The following PCDHGA4 variants were observed in gnomAD, a reference collection of about 807,000 sequenced individuals.
The protein encoded by PCDHGA4 is protocadherin gamma-A4.
A neutral mutation model predicts 54.6 loss-of-function variants in PCDHGA4; 38 were observed. The observed-to-expected ratio is 0.70, with a 90% CI of 0.54 to 0.91. The LOEUF is 0.91. Among genes scored for constraint, PCDHGA4 ranks in the 40% least tolerant of loss-of-function variants. The probability of loss-of-function intolerance (pLI) is 0.00; values close to 1 mark genes in which losing one functional copy is unlikely to be tolerated. For missense variants in PCDHGA4, 1,298 were observed against 1,220.9 expected (o/e 1.06, Z -0.94); for synonymous variants, 511 against 512.9 (o/e 1.00, Z 0.05).
At chr5:141,383,976 C>G in intron 1 of PCDHGA4, 1 of 1,613,760 alleles carries the variant, frequency 6.2e-7, no homozygotes, top group Non-Finnish European at 8.5e-7. Flanking sequence ...TCCCTGAAGA[C>G]ACACCTCTTG....
chr5:141,361,767 C>G, intron 1 of PCDHGA4: 1 of 1,613,142 alleles, frequency 6.2e-7, no homozygotes. Context: ...CGCTCAGCGC[C>G]AACGTGAGCC....
rs374042624 is a variant in PCDHGA4, at chr5:141,394,490, G to A, written c.2514+36869G>A. The A allele has an allele frequency of 3.7e-6, 6 of 1,614,058 alleles. No individual in the cohort carries two copies. In the Admixed American group the frequency reaches 5.0e-5, roughly 13 times the overall value. ...TCGTGCTGGACCAGAATGACAACGCGCCCGAGATCCTGTACCCCGCCCTCC... is the reference window on the plus strand; with the variant it reads ...TCGTGCTGGACCAGAATGACAACGCACCCGAGATCCTGTACCCCGCCCTCC... On this transcript the variant is annotated intron_variant, in intron 1 of 3. Transcript: ENST00000571252.
intron 1 of PCDHGA4, chr5:141,400,748 C>A: frequency 5.0e-6 from 3 of 604,576 alleles, no homozygotes; most frequent in Non-Finnish European, 8.6e-6. Context: ...TTGCTCTTAG[C>A]TTCCTCTCTA....
intron 1 of PCDHGA4, chr5:141,371,355 G>A (rs369960328): frequency 1.2e-6 from 2 of 1,613,974 alleles, no homozygotes; most frequent in Non-Finnish European, 8.5e-7. Context: ...TGGGGTGGAA[G>A]CAAAGGATGG....
At chr5:141,366,292 G>A (rs1449441048) in intron 1 of PCDHGA4, 3 of 1,613,732 alleles carry the variant, frequency 1.9e-6, no homozygotes, top group East Asian at 4.5e-5. Context: ...AGCCCCCTCT[G>A]TCAGCCACCT....
At chr5:141,405,187 G>A (rs372851700) in intron 1 of PCDHGA4, 1 of 1,613,360 alleles carries the variant, frequency 6.2e-7, no homozygotes, top group East Asian at 2.2e-5. Flanking sequence ...GTGTAGATGG[G>A]GTTCGAGCTT....
intron 1 of PCDHGA4, among the ~76,000 whole-genome samples, chr5:141,460,758 C>T (rs1292050905): frequency 6.6e-6 from 1 of 150,582 alleles, no homozygotes; most frequent in African/African-American, 2.4e-5. Context: ...TGTACATATA[C>T]ATATTGCATA....
In PCDHGA4 at chr5:141,355,938, G is replaced by A. The variant is rs556759092; in HGVS notation, c.831G>A (p.Glu277=). The A allele has an allele frequency of 6.2e-7, 1 of 1,613,878 alleles. No individual in the cohort carries two copies. The highest frequency in any genetic ancestry group is 1.7e-5 in the Admixed American group (1 of 60,020). The change falls in exon 1 of 4, where the codon GAG becomes GAA. Residue 277 remains glutamate (E), a synonymous_variant. Coordinates refer to ENST00000571252, the MANE Select transcript of PCDHGA4 (RefSeq NM_018917.4). ...NDNAPVFTQP[E]YHVSVRENVP... is the part of the protein sequence containing the mutation. ...ATGCTCCCGTGTTCACTCAGCCCGA[G>A]TACCACGTAAGTGTTCGTGAGAACG...
In PCDHGA4 at chr5:141,489,782, A is replaced by C. The variant is rs770399288; in HGVS notation, c.2515-5025A>C. On this transcript the variant is annotated intron_variant, in intron 1 of 3. Coordinates refer to ENST00000571252, the MANE Select transcript of PCDHGA4 (RefSeq NM_018917.4). The surrounding 1 kb of genome is among the most constrained non-coding windows in gnomAD (Gnocchi z 4.5). ...AGCCCCAACAGCCACTTCTCTCTGA[A>C]TGTGAAGACCCTAAAAGATGGGAAG... 2 of 1,614,078 alleles carry C rather than the reference A, an allele frequency of 1.2e-6. No homozygotes were observed. The highest frequency in any genetic ancestry group is 2.2e-5 in the East Asian group (1 of 44,894).
intron 1 of PCDHGA4, among the ~76,000 whole-genome samples, chr5:141,483,613 C>A (rs2099583607): frequency 6.6e-6 from 1 of 151,914 alleles, no homozygotes; most frequent in South Asian, 2.1e-4. Context: ...ACACCTCCAT[C>A]ATTCCCATGG....
chr5:141,496,342 G>A (rs1430202202), intron 2 of PCDHGA4, among the ~76,000 whole-genome samples: 1 of 152,208 alleles, frequency 6.6e-6, no homozygotes, highest in East Asian at 1.9e-4. Context: ...GAGCCTGGAG[G>A]AGTCTCAGAG....
intron 1 of PCDHGA4, chr5:141,361,265 G>C (rs1245331652): frequency 6.2e-7 from 1 of 1,613,872 alleles, no homozygotes; most frequent in Non-Finnish European, 8.5e-7. Flanking sequence ...AGAGACTCTG[G>C]AGAAAATGGA....
chr5:141,458,612 C>T (rs1381385841), intron 1 of PCDHGA4, among the ~76,000 whole-genome samples: 1 of 152,084 alleles, frequency 6.6e-6, no homozygotes, highest in Non-Finnish European at 1.5e-5. Flanking sequence ...CTCTGTCAGC[C>T]AGGCTGGAGT....
intron 1 of PCDHGA4, chr5:141,400,723 C>A (rs1317017521): frequency 6.1e-6 from 4 of 660,798 alleles, no homozygotes; most frequent in Non-Finnish European, 7.7e-6. Flanking sequence ...TATAGATTTA[C>A]AAAGTAGTGA....
rs1390739125 is a variant in PCDHGA4 at position 141,490,094 on chromosome 5, C to T, written c.2515-4713C>T. ...CTAGACTATTCTTTTGGAGACCACA[C>T]ATCTGAGGCAGTGCGGAACCTCTTT... On this transcript the variant is annotated intron_variant, in intron 1 of 3. Coordinates refer to ENST00000571252, the MANE Select transcript of PCDHGA4 (RefSeq NM_018917.4). This position sits in a 1 kb window ranked among gnomAD's most constrained non-coding sequence, Gnocchi z 5.4. 1 of 1,614,250 alleles carries T rather than the reference C, an allele frequency of 6.2e-7. No individual in the cohort carries two copies. The highest frequency in any genetic ancestry group is 2.2e-5 in the East Asian group (1 of 44,888).
At chr5:141,392,107 C>T (rs1289551398) in intron 1 of PCDHGA4, 1 of 152,168 alleles carries the variant, frequency 6.6e-6, no homozygotes, top group Non-Finnish European at 1.5e-5. Flanking sequence ...AAAGCAACAA[C>T]TCTATAGAAA....
rs1258752203 is a variant in PCDHGA4, at chr5:141,431,160, G to C, written c.2515-63647G>C. On this transcript the variant is annotated intron_variant, in intron 1 of 3. Coordinates refer to ENST00000571252, the MANE Select transcript of PCDHGA4 (RefSeq NM_018917.4). The surrounding 1 kb of genome is among the most constrained non-coding windows in gnomAD (Gnocchi z 4.8). ...ATTAACGACAATGCGCCTTACTTTC[G>C]TGAAAGTGAATTAGAAATAAAAATT... is the stretch of plus-strand genomic sequence containing the variant. The C allele has an allele frequency of 6.2e-7, 1 of 1,614,198 alleles. No homozygotes were observed. Among genetic ancestry groups the C allele is most frequent in the South Asian group, 1.1e-5 (1 of 91,084 alleles).
chr5:141,512,917 T>C lies in PCDHGA4; in HGVS notation c.*1744T>C, dbSNP rs543880225. On this transcript the variant is annotated 3_prime_UTR_variant, in exon 4 of 4. Transcript: ENST00000571252. ...TGTGTCTCACGCAAGTTTTATACTCTAATATTTATATGGCTTTTTTTCTTC... is the reference window on the plus strand; with the variant it reads ...TGTGTCTCACGCAAGTTTTATACTCCAATATTTATATGGCTTTTTTTCTTC... The C allele has an allele frequency of 1.3e-5, 2 of 152,378 alleles. No individual in the cohort carries two copies. Among genetic ancestry groups the C allele is most frequent in the African/African-American group, 2.4e-5 (1 of 41,588 alleles). The allele number at this position is 152,378 out of a possible 1,614,324, so 9.4% of individuals were successfully genotyped here.
chr5:141,396,626 A>G (rs1273835228), intron 1 of PCDHGA4: 1 of 152,182 alleles, frequency 6.6e-6, no homozygotes, highest in African/African-American at 2.4e-5. Flanking sequence ...TCTCAAAAAA[A>G]AAAAAAACTA....
Sources: allele counts gnomAD v4.1 joint callset (sites outside exome capture counted in the v4.1 genomes callset), GRCh38; gene constraint gnomAD v4.1.1; non-coding constraint Gnocchi (gnomAD v3.1); transcripts MANE v1.5; gene names NCBI Gene and HGNC (gene_info 2026-07-23, HGNC 2026-07-21).